DRD2: variants seen among roughly 807,000 people sequenced by gnomAD.
The protein encoded by DRD2 is dopamine receptor D2, also known as D(2) dopamine receptor.
Under a neutral mutation model 38.0 loss-of-function variants are expected in DRD2, and 8 were observed. The observed-to-expected ratio is 0.21, with a 90% CI of 0.12 to 0.38. The LOEUF (loss-of-function observed/expected upper bound fraction) is 0.38, where lower values mean the gene tolerates loss of function less well. Ranked by LOEUF, DRD2 falls within the 10% of genes least tolerant of loss-of-function variation. The pLI is 1.00. For synonymous variants in DRD2, 230 were observed against 238.6 expected, an observed-to-expected ratio of 0.96 and a Z score of 0.33; for missense variants, 403 against 607.7, an observed-to-expected ratio of 0.66 and a Z score of 3.54.
chr11:113,423,510 G>A (rs1276333267), intron 2 of DRD2, among the ~76,000 whole-genome samples: 5 of 152,252 alleles, frequency 3.3e-5, no homozygotes, highest in Non-Finnish European at 5.9e-5. Context: ...TCCTGGCCTC[G>A]TGATCTGCCT....
At chr11:113,451,325 G>A (rs1951207907) in intron 1 of DRD2, among the ~76,000 whole-genome samples, 2 of 152,112 alleles carry the variant, frequency 1.3e-5, no homozygotes, top group Non-Finnish European at 1.5e-5. Context: ...TAGAAAAGAT[G>A]GTAACATGTG....
intron 2 of DRD2, among the ~76,000 whole-genome samples, chr11:113,418,363 C>T (rs1950848495): frequency 1.3e-5 from 2 of 152,168 alleles, no homozygotes. Context: ...AATTACTGTG[C>T]TAGAAGAAAG....
At chr11:113,460,837 G>A (rs921606157) in intron 1 of DRD2, among the ~76,000 whole-genome samples, 2 of 152,252 alleles carry the variant, frequency 1.3e-5, no homozygotes, top group Admixed American at 6.5e-5. Context: ...TGCACTCAGG[G>A]AGGTAGTGAA....
chr11:113,468,823 C>T lies in DRD2; in HGVS notation c.-32+6253G>A, dbSNP rs112355966. On this transcript the variant is annotated intron_variant, in intron 1 of 7. Transcript: ENST00000362072. Reference sequence around the variant, plus strand: ...TCAGCCTCCCAAAGGGATGGGATTACAGGCGTGAGCCACCGCGTCTGGCTA... The same window carrying T: ...TCAGCCTCCCAAAGGGATGGGATTATAGGCGTGAGCCACCGCGTCTGGCTA... Among the ~76,000 whole-genome samples the T allele has an allele frequency of 4.8e-3, 734 of 152,310 alleles. 4 individuals carry two copies. The highest frequency in any genetic ancestry group is 0.017 in the African/African-American group (688 of 41,566).
At chr11:113,465,411 GTTGTTTGT>G (rs6144513) in intron 1 of DRD2, among the ~76,000 whole-genome samples, 38,351 of 150,492 alleles carry the variant, frequency 0.25, 6,135 homozygotes, top group South Asian at 0.38. Context: ...TGTTGTTGTT[GTTGTTTGT>G]TTGTTTGTTT....
intron 1 of DRD2, among the ~76,000 whole-genome samples, chr11:113,472,772 C>G (rs981069169): frequency 2.1e-4 from 32 of 152,300 alleles, no homozygotes; most frequent in African/African-American, 7.2e-4. Context: ...AAGACAATAA[C>G]TCACCCAGAG....
At chr11:113,470,697 G>C (rs1020716663) in intron 1 of DRD2, among the ~76,000 whole-genome samples, 5 of 152,154 alleles carry the variant, frequency 3.3e-5, no homozygotes, top group Admixed American at 2.6e-4. Flanking sequence ...CTCTTTCAGG[G>C]CCTCCTAAGA....
rs529939186 is a variant in DRD2, at chr11:113,424,899, A to T, written c.-31-217T>A. On this transcript the variant is annotated intron_variant, in intron 1 of 7. Transcript: ENST00000362072. ...GACAAATGAGCAAACACAATTTTTT[A>T]AAAATGCATAATAAGATGAGCTTGA... The T allele has an allele frequency of 2.5e-4, 141 of 567,208 alleles. 1 individual carries two copies. The South Asian group carries it at 2.8e-3, about 11-fold the overall frequency. The allele number at this position is 567,208 out of a possible 1,614,324, so 35.1% of individuals were successfully genotyped here. A position where few individuals can be genotyped will look rare whatever the true frequency, so the allele number is the denominator to read the frequency against.
chr11:113,446,400 T>C (rs1256913533), intron 1 of DRD2, among the ~76,000 whole-genome samples: 1 of 152,252 alleles, frequency 6.6e-6, no homozygotes, highest in Non-Finnish European at 1.5e-5. Flanking sequence ...CTGTTCACCG[T>C]ATACTGGACA....
At chr11:113,420,083 C>T (rs898501963) in intron 2 of DRD2, among the ~76,000 whole-genome samples, 5 of 152,142 alleles carry the variant, frequency 3.3e-5, no homozygotes, top group African/African-American at 9.7e-5. Flanking sequence ...TACCACTGGG[C>T]AGAAAACCAG....
intron 1 of DRD2, among the ~76,000 whole-genome samples, chr11:113,445,627 G>A (rs1196228328): frequency 6.6e-6 from 1 of 152,214 alleles, no homozygotes; most frequent in Non-Finnish European, 1.5e-5. Context: ...TGTCCCACAT[G>A]GTGCTGACTG....
At chr11:113,465,414 GTTTGT>G (rs150262922) in intron 1 of DRD2, among the ~76,000 whole-genome samples, 9,616 of 76,806 alleles carry the variant, frequency 0.13, 361 homozygotes, top group East Asian at 0.45. Context: ...TGTTGTTGTT[GTTTGT>G]TTGTTTGTTT....
At chr11:113,410,953 A>G (rs376927214) in intron 7 of DRD2, 33 bp from the exon 8 acceptor site, 3 of 1,590,050 alleles carry the variant, frequency 1.9e-6, no homozygotes, top group Non-Finnish European at 2.6e-6. Context: ...GCTGGTCCCC[A>G]GAGCCGGGGA....
intron 1 of DRD2, among the ~76,000 whole-genome samples, chr11:113,461,960 C>A (rs1951324122): frequency 6.6e-6 from 1 of 152,186 alleles, no homozygotes; most frequent in Non-Finnish European, 1.5e-5. Flanking sequence ...CCTTCCCTTG[C>A]TGGAACATTC....
intron 1 of DRD2, among the ~76,000 whole-genome samples, chr11:113,441,629 C>T (rs1052835890): frequency 1.7e-4 from 26 of 152,068 alleles, no homozygotes; most frequent in African/African-American, 5.8e-4. Flanking sequence ...AGGCACACAC[C>T]GATTGAAGAA....
At chr11:113,425,031 A>G in intron 1 of DRD2, 1 of 308,778 alleles carries the variant, frequency 3.2e-6, no homozygotes, top group Non-Finnish European at 6.1e-6. Flanking sequence ...TAGTCATCGA[A>G]ACAGAAATGG....
rs1005219586 is a variant in DRD2, at chr11:113,410,338, C to T, written c.*389G>A. On this transcript the variant is annotated 3_prime_UTR_variant, in exon 8 of 8. Transcript: ENST00000362072. ...TCTCTCCCCACCGCCTGCTCCACGC[C>T]AAGCCCCACAAAGAGAAAACTCAGC... The T allele has an allele frequency of 1.7e-5, 7 of 420,754 alleles. No individual in the cohort carries two copies. Among genetic ancestry groups the T allele is most frequent in the African/African-American group, 1.4e-4 (7 of 49,630 alleles). 26.1% of individuals were successfully genotyped at this position (420,754 alleles called of 1,614,324 possible). A position where few individuals can be genotyped will look rare whatever the true frequency, so the allele number is the denominator to read the frequency against.
At chr11:113,415,670 A>G (rs1950818834) in intron 4 of DRD2, 59 bp from the exon 5 acceptor site, 1 of 1,547,968 alleles carries the variant, frequency 6.5e-7, no homozygotes, top group Non-Finnish European at 8.8e-7. Flanking sequence ...CCATAATTCC[A>G]CAAGAGCCCA....
At chr11:113,470,808 C>T (rs1034941283) in intron 1 of DRD2, among the ~76,000 whole-genome samples, 1 of 152,180 alleles carries the variant, frequency 6.6e-6, no homozygotes, top group Non-Finnish European at 1.5e-5. Flanking sequence ...TGCAGCAGCA[C>T]AGTTTCTTCT....
Sources: allele counts gnomAD v4.1 joint callset (sites outside exome capture counted in the v4.1 genomes callset), GRCh38; gene constraint gnomAD v4.1.1; transcripts MANE v1.5; gene names NCBI Gene and HGNC (gene_info 2026-07-23, HGNC 2026-07-21).